FAF1: variants seen among roughly 807,000 people sequenced by gnomAD.
The protein encoded by FAF1 is FAS-associated factor 1.
A neutral mutation model predicts 92.5 loss-of-function variants in FAF1; 25 were observed. That is an observed-to-expected ratio of 0.27 (90% CI 0.20 to 0.38). FAF1 has a LOEUF of 0.38. FAF1 is among the 10% of genes least tolerant of loss of function. FAF1 has a pLI of 1.00. For synonymous variants in FAF1, 234 were observed against 273.2 expected (o/e 0.86, Z 1.42); for missense variants, 636 against 793.3 (o/e 0.80, Z 2.38).
chr1:50,538,408 C>CT (rs1434916428), intron 14 of FAF1, among the ~76,000 whole-genome samples: 1 of 151,798 alleles, frequency 6.6e-6, no homozygotes, highest in Non-Finnish European at 1.5e-5. Flanking sequence ...TTTTTCTTTT[C>CT]TTTTTTAACT....
intron 8 of FAF1, among the ~76,000 whole-genome samples, chr1:50,636,247 C>G (rs1005471001): frequency 3.9e-5 from 6 of 152,090 alleles, no homozygotes; most frequent in African/African-American, 1.4e-4. Flanking sequence ...CTTGTAACCA[C>G]TAGTATAATT....
intron 6 of FAF1, among the ~76,000 whole-genome samples, chr1:50,735,272 T>C (rs577549550): frequency 6.6e-6 from 1 of 152,352 alleles, no homozygotes; most frequent in East Asian, 1.9e-4. Flanking sequence ...TATAGTTGTA[T>C]CACAGAGGCC....
intron 17 of FAF1, among the ~76,000 whole-genome samples, chr1:50,485,573 A>G (rs1384288780): frequency 2.0e-5 from 3 of 150,304 alleles, no homozygotes; most frequent in Non-Finnish European, 4.4e-5. Context: ...GAGGCAGGGG[A>G]ATCACTTGAA....
intron 7 of FAF1, among the ~76,000 whole-genome samples, chr1:50,704,506 T>C (rs867076035): frequency 3.3e-5 from 5 of 152,174 alleles, no homozygotes; most frequent in Admixed American, 3.3e-4. Context: ...TTTACTATCC[T>C]GTAAAATTTC....
At chr1:50,656,410 T>C (rs1194173817) in intron 7 of FAF1, among the ~76,000 whole-genome samples, 1 of 151,902 alleles carries the variant, frequency 6.6e-6, no homozygotes, top group Non-Finnish European at 1.5e-5. Context: ...AACTATTTCA[T>C]GTAATATTTA....
chr1:50,592,661 T>G (rs546643460), intron 9 of FAF1, among the ~76,000 whole-genome samples: 3 of 152,176 alleles, frequency 2.0e-5, no homozygotes, highest in Non-Finnish European at 4.4e-5. Flanking sequence ...AAAATGATTA[T>G]TGTTGGCTGG....
chr1:50,472,268 C>G (rs1227017208), intron 18 of FAF1, among the ~76,000 whole-genome samples: 1 of 151,972 alleles, frequency 6.6e-6, no homozygotes, highest in Non-Finnish European at 1.5e-5. Context: ...AAATGGGCCA[C>G]TGATGTACAT....
chr1:50,521,892 C>T lies in FAF1; in HGVS notation c.1494+13477G>A, dbSNP rs368788567. Among the ~76,000 whole-genome samples the T allele has an allele frequency of 1.8e-4, 28 of 152,352 alleles. No individual in the cohort carries two copies. The South Asian group carries it at 4.6e-3, about 25-fold the overall frequency. ...AAAAATGTGGAGGGCTGGCTCTGAA[C>T]AGGTGTGCTGAATTGTAACGCCAAT... is the stretch of plus-strand genomic sequence containing the variant. On this transcript the variant is annotated intron_variant, in intron 15 of 18. Coordinates refer to ENST00000396153, the MANE Select transcript of FAF1 (RefSeq NM_007051.3).
chr1:50,499,010 T>G (rs1318170268), intron 15 of FAF1, among the ~76,000 whole-genome samples: 1 of 152,118 alleles, frequency 6.6e-6, no homozygotes, highest in Admixed American at 6.5e-5. Context: ...ACACAAAATA[T>G]GGTATATACC....
intron 1 of FAF1, among the ~76,000 whole-genome samples, chr1:50,939,427 C>A (rs1408801063): frequency 6.6e-6 from 1 of 152,160 alleles, no homozygotes; most frequent in Non-Finnish European, 1.5e-5. Flanking sequence ...TATCCTGAAA[C>A]CTTGCTAAAA....
At chr1:50,471,992 C>CG (rs1646578907) in intron 18 of FAF1, among the ~76,000 whole-genome samples, 1 of 151,856 alleles carries the variant, frequency 6.6e-6, no homozygotes, top group Admixed American at 6.6e-5. Context: ...GGAGAGAAAA[C>CG]GGAAGATAAG....
intron 15 of FAF1, among the ~76,000 whole-genome samples, chr1:50,512,791 T>C (rs1226960875): frequency 6.6e-6 from 1 of 152,194 alleles, no homozygotes. Context: ...GGTAGCTAGA[T>C]GGGGATAGCA....
chr1:50,519,914 T>C (rs1458968734), intron 15 of FAF1, among the ~76,000 whole-genome samples: 1 of 152,216 alleles, frequency 6.6e-6, no homozygotes, highest in African/African-American at 2.4e-5. Flanking sequence ...TGTATCTCCA[T>C]CACGGAATTT....
intron 15 of FAF1, among the ~76,000 whole-genome samples, chr1:50,510,341 A>G (rs1340401555): frequency 6.6e-6 from 1 of 152,120 alleles, no homozygotes; most frequent in Non-Finnish European, 1.5e-5. Flanking sequence ...TAGATGTGTG[A>G]CTTTAGGGAA....
At position 50,857,947 on chromosome 1, in the gene FAF1, T is replaced by C; in HGVS notation, c.96A>G (p.Gln32=). ...NIDEAITLLE[Q]NNWDLVAAIN... ...TACTTACCACTAAGTCCCAATTATT[T>C]TGTTCAAGCAATGTAATAGCTTCGT... The change falls in exon 2 of 19, where the codon CAA becomes CAG. Residue 32 remains glutamine, a synonymous_variant. Transcript: ENST00000396153. 1.3e-6 allele frequency: 2 copies of C among 1,599,400 alleles called. No individual in the cohort carries two copies. The highest frequency in any genetic ancestry group is 1.7e-5 in the Admixed American group (1 of 57,806).
intron 2 of FAF1, among the ~76,000 whole-genome samples, chr1:50,849,869 G>T (rs1644333645): frequency 6.6e-6 from 1 of 152,086 alleles, no homozygotes; most frequent in South Asian, 2.1e-4. Flanking sequence ...CATTTCCCCT[G>T]CTATATCTAT....
intron 1 of FAF1, among the ~76,000 whole-genome samples, chr1:50,860,428 A>C (rs1644422917): frequency 6.6e-6 from 1 of 151,950 alleles, no homozygotes; most frequent in Admixed American, 6.6e-5. Flanking sequence ...ACCCCATTAA[A>C]AAATGGGCAA....
At chr1:50,700,346 T>G (rs1657414564) in intron 7 of FAF1, among the ~76,000 whole-genome samples, 1 of 151,872 alleles carries the variant, frequency 6.6e-6, no homozygotes, top group Non-Finnish European at 1.5e-5. Context: ...TCATTTGGAG[T>G]CGAACGCAGC....
intron 1 of FAF1, among the ~76,000 whole-genome samples, chr1:50,945,138 G>A (rs182822150): frequency 3.3e-5 from 5 of 152,190 alleles, no homozygotes; most frequent in East Asian, 1.9e-4. Flanking sequence ...CAAATACCTT[G>A]ACAATCAGTT....
Sources: gnomAD v4.1 joint callset for allele counts (sites outside exome capture counted in the v4.1 genomes callset) on GRCh38, gnomAD v4.1.1 for gene constraint, MANE v1.5 for transcripts, NCBI Gene and HGNC (gene_info 2026-07-23, HGNC 2026-07-21) for gene names.